The following CA2 variants were observed in gnomAD, a reference collection of about 807,000 sequenced individuals.
The protein encoded by CA2 is carbonic anhydrase 2, also known as carbonate dehydratase II.
CA2 carries 23 observed loss-of-function variants against 27.8 expected under a neutral mutation model. The ratio of observed to expected loss-of-function variants is 0.83; its 90% CI spans 0.59 to 1.17. CA2 has a LOEUF of 1.17. Among genes scored for constraint, CA2 ranks in the 50% most tolerant of loss-of-function variants. The pLI is 0.00. For synonymous variants in CA2, 99 were observed against 114.9 expected (o/e 0.86, Z 0.88); for missense variants, 300 against 314.7 (o/e 0.95, Z 0.35).
chr8:85,477,622 A>G (rs1811824051), intron 6 of CA2, among the ~76,000 whole-genome samples: 2 of 151,772 alleles, frequency 1.3e-5, no homozygotes. Flanking sequence ...CGCAGGTATC[A>G]GTGAGTTACC....
At chr8:85,467,068 A>G (rs117084800) in intron 2 of CA2, among the ~76,000 whole-genome samples, 2,633 of 152,320 alleles carry the variant, frequency 0.017, 38 homozygotes, top group Non-Finnish European at 0.024. Context: ...CTGCCAAATT[A>G]TGTATCTCAT....
chr8:85,466,185 ATC>A (rs1248340460), intron 2 of CA2, among the ~76,000 whole-genome samples: 1 of 142,660 alleles, frequency 7.0e-6, no homozygotes, highest in East Asian at 2.0e-4. Context: ...TTTTTTTTTT[ATC>A]TCTCTCTCTT....
intron 5 of CA2, among the ~76,000 whole-genome samples, chr8:85,476,458 A>G (rs763097160): frequency 1.2e-4 from 18 of 152,306 alleles, no homozygotes; most frequent in Non-Finnish European, 1.9e-4. Flanking sequence ...AGCAGCATCT[A>G]TCCTCTGAAA....
chr8:85,477,727 A>G (rs1811826037), intron 6 of CA2, among the ~76,000 whole-genome samples: 1 of 152,180 alleles, frequency 6.6e-6, no homozygotes, highest in Non-Finnish European at 1.5e-5. Context: ...CCCTTGGAGA[A>G]CATGTATCTA....
At chr8:85,475,933 T>C in intron 5 of CA2, 73 bp downstream of exon 5, 1 of 1,189,060 alleles carries the variant, frequency 8.4e-7, no homozygotes, top group Non-Finnish European at 1.2e-6. Flanking sequence ...AAATTTCTTT[T>C]GATCAAATTG....
intron 2 of CA2, among the ~76,000 whole-genome samples, chr8:85,469,076 C>T (rs1427458462): frequency 1.3e-5 from 2 of 151,956 alleles, no homozygotes; most frequent in Non-Finnish European, 2.9e-5. Context: ...TTATACATAC[C>T]ATGTTTTTTA....
At chr8:85,471,939 C>T (rs1391490527) in intron 2 of CA2, among the ~76,000 whole-genome samples, 3 of 152,152 alleles carry the variant, frequency 2.0e-5, no homozygotes, top group Non-Finnish European at 4.4e-5. Context: ...CATCCAAATT[C>T]ATATTTCTTA....
intron 1 of CA2, 69 bp downstream of exon 1, chr8:85,464,184 CG>C: frequency 7.1e-7 from 1 of 1,409,462 alleles, no homozygotes; most frequent in Admixed American, 2.1e-5. Flanking sequence ...TCCCCGAGCC[CG>C]GATGCCGGCC....
chr8:85,464,360 G>A, intron 1 of CA2: 1 of 443,854 alleles, frequency 2.3e-6, no homozygotes, highest in African/African-American at 2.1e-5. Flanking sequence ...GTCCGCCGGA[G>A]GCGCGTAGGG....
chr8:85,480,384 G>C (rs1287321339), intron 6 of CA2, among the ~76,000 whole-genome samples: 3 of 151,604 alleles, frequency 2.0e-5, no homozygotes, highest in African/African-American at 7.3e-5. Context: ...TTAGCCTCCT[G>C]AGTAGCTGAG....
intron 2 of CA2, among the ~76,000 whole-genome samples, chr8:85,472,113 A>C (rs2130555105): frequency 6.6e-6 from 1 of 152,338 alleles, no homozygotes; most frequent in Admixed American, 6.5e-5. Context: ...CTTTGAATAG[A>C]TGAATGGATA....
chr8:85,479,343 C>A (rs1020185884), intron 6 of CA2, among the ~76,000 whole-genome samples: 1 of 152,168 alleles, frequency 6.6e-6, no homozygotes, highest in Admixed American at 6.5e-5. Flanking sequence ...TGCTGGAATT[C>A]TGTTGTAACG....
At position 85,475,766 on chromosome 8, in the gene CA2, G is replaced by C. The variant is rs1192018388; in HGVS notation, c.445-32G>C. The C allele has an allele frequency of 6.9e-6, 11 of 1,601,978 alleles. No individual in the cohort carries two copies. In the South Asian group the frequency reaches 1.1e-4, roughly 16 times the overall value. On this transcript the variant is annotated intron_variant, in intron 4 of 6. Transcript: ENST00000285379. ...AAAACTGGTACAGTACCAACTGGGT[G>C]ATAGTATCTTGCCCTTTATGTTTTT... is the stretch of plus-strand genomic sequence containing the variant.
At chr8:85,471,081 A>G (rs1017389426) in intron 2 of CA2, among the ~76,000 whole-genome samples, 7 of 152,178 alleles carry the variant, frequency 4.6e-5, no homozygotes, top group Non-Finnish European at 1.0e-4. Context: ...AATATAGCAT[A>G]AAGTCCCTAA....
chr8:85,470,635 C>T (rs896436125), intron 2 of CA2, among the ~76,000 whole-genome samples: 1 of 151,808 alleles, frequency 6.6e-6, no homozygotes, highest in Non-Finnish European at 1.5e-5. Context: ...TTATTTTTCT[C>T]AAAAAGTAAT....
At chr8:85,464,316 C>G (rs1447844952) in intron 1 of CA2, 1 of 480,818 alleles carries the variant, frequency 2.1e-6, no homozygotes, top group African/African-American at 2.1e-5. Flanking sequence ...TCCCCCTTGC[C>G]CCAGCTGCGA....
chr8:85,479,940 T>A (rs1811862000), intron 6 of CA2, among the ~76,000 whole-genome samples: 1 of 152,158 alleles, frequency 6.6e-6, no homozygotes, highest in Non-Finnish European at 1.5e-5. Context: ...TCCTGATCAC[T>A]TGATCTAATT....
chr8:85,468,674 C>G (rs1389709566), intron 2 of CA2, among the ~76,000 whole-genome samples: 2 of 152,048 alleles, frequency 1.3e-5, no homozygotes, highest in Non-Finnish European at 1.5e-5. Context: ...GCAGGAGAAT[C>G]GCTGGATCCC....
chr8:85,480,443 G>GTT (rs1213290850), intron 6 of CA2, among the ~76,000 whole-genome samples: 1 of 88,798 alleles, frequency 1.1e-5, no homozygotes, highest in African/African-American at 4.5e-5. Context: ...GTGTGTGTGT[G>GTT]TGTTTTTTTT....
Sources: gnomAD v4.1 joint callset for allele counts (sites outside exome capture counted in the v4.1 genomes callset) on GRCh38, gnomAD v4.1.1 for gene constraint, MANE v1.5 for transcripts, NCBI Gene and HGNC (gene_info 2026-07-23, HGNC 2026-07-21) for gene names.